Variants in OR2L13 observed in about 807,000 individuals in gnomAD.
OR2L13 encodes the protein olfactory receptor 2L13.
In OR2L13, 14 loss-of-function variants were observed where a neutral mutation model predicts 15.3. That is an observed-to-expected ratio of 0.91 (90% CI 0.60 to 1.43). OR2L13 has a LOEUF of 1.43. Ranked by LOEUF, OR2L13 falls within the 40% of genes most tolerant of loss-of-function variation. OR2L13 has a pLI of 0.00. For synonymous variants in OR2L13, 152 were observed against 142.9 expected (o/e 1.06, Z -0.45); for missense variants, 367 against 387.9 (o/e 0.95, Z 0.45).
At chr1:248,050,314 C>A in the OR2L13 span, among the ~76,000 whole-genome samples, 1 of 151,302 alleles carries the variant, frequency 6.6e-6, no homozygotes, top group Admixed American at 6.6e-5. Flanking sequence ...GGCTAAAATA[C>A]CTTCCTTATA....
At chr1:248,100,092 C>A (rs773528386) in exon 3 of OR2L13, 3 of 1,613,854 alleles carry the variant, frequency 1.9e-6, no homozygotes, top group East Asian at 4.5e-5. Flanking sequence ...CCTTCACCAC[C>A]ATTTCAACAC....
chr1:247,939,710 C>A, the OR2L13 span: 6 of 152,212 alleles, frequency 3.9e-5, no homozygotes, highest in South Asian at 2.1e-4. Context: ...GAAAACCGAA[C>A]CTTCTGTCTT....
chr1:248,064,165 C>G, the OR2L13 span, among the ~76,000 whole-genome samples: 1 of 152,134 alleles, frequency 6.6e-6, no homozygotes, highest in Non-Finnish European at 1.5e-5. Context: ...AATCCATATG[C>G]TTAAATCTTA....
chr1:248,052,241 A>T, the OR2L13 span, among the ~76,000 whole-genome samples: 1 of 152,316 alleles, frequency 6.6e-6, no homozygotes, highest in African/African-American at 2.4e-5. Context: ...TTGAATGTAA[A>T]TATCCACTTT....
chr1:248,001,698 G>A, the OR2L13 span, among the ~76,000 whole-genome samples: 4 of 151,758 alleles, frequency 2.6e-5, no homozygotes, highest in Non-Finnish European at 5.9e-5. Flanking sequence ...TCAGGAACCA[G>A]CCTCTCATTT....
the OR2L13 span, among the ~76,000 whole-genome samples, chr1:247,963,322 T>G: frequency 2.1e-4 from 32 of 152,326 alleles, no homozygotes; most frequent in Admixed American, 5.2e-4. Flanking sequence ...ATTTGTAAAC[T>G]GTCATGGTGC....
At chr1:248,080,263 A>G in the OR2L13 span, among the ~76,000 whole-genome samples, 1 of 151,974 alleles carries the variant, frequency 6.6e-6, no homozygotes, top group Non-Finnish European at 1.5e-5. Flanking sequence ...TTTTCATTGC[A>G]TTAGGTATTT....
upstream of OR2L13, among the ~76,000 whole-genome samples, chr1:248,096,315 G>A (rs540019759): frequency 9.7e-4 from 147 of 151,786 alleles, 2 homozygotes; most frequent in Middle Eastern, 0.024. Flanking sequence ...CCCGGGAGGC[G>A]GAGCTTGCAG....
chr1:247,944,624 C>T, the OR2L13 span, among the ~76,000 whole-genome samples: 43 of 152,178 alleles, frequency 2.8e-4, no homozygotes, highest in African/African-American at 1.0e-3. Flanking sequence ...CATGTCCCTG[C>T]AAAGGACATG....
At chr1:248,078,017 T>C in the OR2L13 span, among the ~76,000 whole-genome samples, 1 of 152,170 alleles carries the variant, frequency 6.6e-6, no homozygotes, top group Admixed American at 6.5e-5. Context: ...AACACCTAAA[T>C]AAGCAAAACA....
chr1:248,019,624 C>T, the OR2L13 span, among the ~76,000 whole-genome samples: 2 of 152,012 alleles, frequency 1.3e-5, no homozygotes, highest in African/African-American at 4.8e-5. Flanking sequence ...TTGAAAACAC[C>T]GTCCCTTCCC....
At chr1:248,035,625 G>A in the OR2L13 span, 2 of 152,162 alleles carry the variant, frequency 1.3e-5, no homozygotes, top group East Asian at 3.9e-4. Context: ...GAACCCAAAG[G>A]TAAGGACTTC....
At chr1:248,042,220 T>C in the OR2L13 span, 2 of 151,534 alleles carry the variant, frequency 1.3e-5, no homozygotes, top group African/African-American at 2.4e-5. Flanking sequence ...ATGGATGAAA[T>C]TGGAAATCAT....
chr1:247,991,070 C>A, the OR2L13 span: 1 of 1,581,152 alleles, frequency 6.3e-7, no homozygotes. Flanking sequence ...CGATCTCCGA[C>A]AGAGGACAAG....
chr1:248,044,840 C>T, the OR2L13 span, among the ~76,000 whole-genome samples: 1 of 109,068 alleles, frequency 9.2e-6, no homozygotes, highest in Non-Finnish European at 2.1e-5. Flanking sequence ...AAAAAAAAAA[C>T]GCCTTCCCCA....
chr1:248,013,191 G>T, the OR2L13 span, among the ~76,000 whole-genome samples: 1 of 151,956 alleles, frequency 6.6e-6, no homozygotes. Flanking sequence ...TCATGTTCTA[G>T]AATTTATTGC....
the OR2L13 span, chr1:247,974,696 C>A: frequency 1.3e-4 from 31 of 230,026 alleles, no homozygotes; most frequent in Admixed American, 2.5e-4. Flanking sequence ...GGAACTAATT[C>A]ACTTATCTTT....
the OR2L13 span, among the ~76,000 whole-genome samples, chr1:248,056,857 C>T: frequency 1.3e-5 from 2 of 151,872 alleles, no homozygotes; most frequent in Non-Finnish European, 2.9e-5. Flanking sequence ...ACTGTGTTGC[C>T]CAGGCTTGTC....
the OR2L13 span, among the ~76,000 whole-genome samples, chr1:248,056,213 G>A: frequency 2.6e-5 from 4 of 151,884 alleles, no homozygotes; most frequent in Non-Finnish European, 5.9e-5. Flanking sequence ...GGGTACATGT[G>A]TACAACGTGC....
Sources: allele counts gnomAD v4.1 joint callset (sites outside exome capture counted in the v4.1 genomes callset), GRCh38; gene constraint gnomAD v4.1.1; transcripts MANE v1.5; gene names NCBI Gene and HGNC (gene_info 2026-07-23, HGNC 2026-07-21).